The following DNAH14 variants were observed in gnomAD, a reference collection of about 807,000 sequenced individuals.
DNAH14 encodes the protein dynein axonemal heavy chain 14, also known as axonemal beta dynein heavy chain 14.
A neutral mutation model predicts 520.9 loss-of-function variants in DNAH14; 478 were observed. The observed-to-expected ratio is 0.92, with a 90% CI of 0.85 to 0.99. DNAH14 has a LOEUF of 0.99. Among genes scored for constraint, DNAH14 ranks in the 50% least tolerant of loss-of-function variants. The probability of loss-of-function intolerance (pLI) is 0.00; values close to 1 mark genes in which losing one functional copy is unlikely to be tolerated. For synonymous variants in DNAH14, 1,581 were observed against 1,757.2 expected, an observed-to-expected ratio of 0.90 and a Z score of 2.51; for missense variants, 4,831 against 5,234.5, an observed-to-expected ratio of 0.92 and a Z score of 2.38.
At chr1:224,958,752 T>C (rs2125543824) in intron 3 of DNAH14, among the ~76,000 whole-genome samples, 1 of 152,200 alleles carries the variant, frequency 6.6e-6, no homozygotes, top group East Asian at 1.9e-4. Flanking sequence ...AGCACAGCTT[T>C]AGACAGGGTC....
chr1:225,096,924 G>A (rs1326160593), intron 21 of DNAH14, among the ~76,000 whole-genome samples, 194 bp from the exon 22 acceptor site: 2 of 152,056 alleles, frequency 1.3e-5, no homozygotes, highest in African/African-American at 2.4e-5. Flanking sequence ...GACAGAAAAT[G>A]GATGAACAGG....
chr1:224,958,571 T>C (rs967792203), intron 3 of DNAH14, among the ~76,000 whole-genome samples: 1 of 152,144 alleles, frequency 6.6e-6, no homozygotes, highest in South Asian at 2.1e-4. Flanking sequence ...AAGAAAGGAA[T>C]GGGGCAATGG....
intron 28 of DNAH14, among the ~76,000 whole-genome samples, chr1:225,143,851 C>T (rs184735251): frequency 6.6e-6 from 1 of 152,248 alleles, no homozygotes; most frequent in Non-Finnish European, 1.5e-5. Context: ...ATTCATACCA[C>T]AAAGCTACAA....
At chr1:225,241,674 T>A (rs1391957953) in intron 43 of DNAH14, among the ~76,000 whole-genome samples, 1 of 152,238 alleles carries the variant, frequency 6.6e-6, no homozygotes, top group Non-Finnish European at 1.5e-5. Context: ...TACTGAATAC[T>A]GTAGGCAATT....
At chr1:225,229,581 T>C (rs1574150663) in intron 41 of DNAH14, among the ~76,000 whole-genome samples, 1 of 152,154 alleles carries the variant, frequency 6.6e-6, no homozygotes, top group African/African-American at 2.4e-5. Flanking sequence ...TGGAATACTA[T>C]GCAGCCATAA....
intron 37 of DNAH14, among the ~76,000 whole-genome samples, chr1:225,191,797 G>C (rs114480508): frequency 6.6e-6 from 1 of 151,574 alleles, no homozygotes; most frequent in African/African-American, 2.4e-5. Context: ...CTTCAGGTTT[G>C]CTCATTCTTT....
chr1:224,999,141 AT>A (rs56872995), intron 8 of DNAH14, among the ~76,000 whole-genome samples: 22,955 of 152,000 alleles, frequency 0.15, 3,200 homozygotes, highest in African/African-American at 0.36. Flanking sequence ...TGATATGCCT[AT>A]TATTTGAAGT....
At chr1:225,387,430 G>A (rs2095854849) in intron 81 of DNAH14, among the ~76,000 whole-genome samples, 2 of 151,920 alleles carry the variant, frequency 1.3e-5, no homozygotes, top group South Asian at 4.1e-4. Flanking sequence ...TGGGACAAGA[G>A]CACGGGCTGC....
rs745568851 is a variant in DNAH14 at position 225,277,496 on chromosome 1, G to C, written c.8265G>C (p.Met2755Ile). The C allele has an allele frequency of 4.2e-6, 2 of 470,966 alleles. No homozygotes were observed. Among genetic ancestry groups the C allele is most frequent in the South Asian group, 3.1e-5 (2 of 64,508 alleles). 29.2% of individuals were successfully genotyped at this position (470,966 alleles called of 1,614,324 possible). ...TRVLRQPGSH[M>I]LLIGIDGCGK... ...TTCTTCGACAACCAGGGAGTCACAT[G>C]TTACTGGTAGGAATTTAAATTTTTC... Residue 2755 changes from methionine (M) to isoleucine (I), a missense_variant, in exon 54 of 86, where the codon ATG (methionine) becomes ATC (isoleucine). By Grantham distance (10) the Met-to-Ile change is conservative (BLOSUM62 1). Transcript: ENST00000682510.
intron 11 of DNAH14, among the ~76,000 whole-genome samples, chr1:225,028,334 T>C (rs2066285617): frequency 6.6e-6 from 1 of 152,120 alleles, no homozygotes; most frequent in Admixed American, 6.6e-5. Context: ...AGATTTTCTA[T>C]TTATTCTTGA....
chr1:225,021,996 T>C (rs559476581), intron 10 of DNAH14, among the ~76,000 whole-genome samples: 83 of 151,906 alleles, frequency 5.5e-4, no homozygotes, highest in African/African-American at 1.9e-3. Flanking sequence ...ATGACAACAA[T>C]GGAGAAAGAA....
chr1:225,257,918 C>A, intron 44 of DNAH14, 42 bp from the exon 45 acceptor site: 3 of 1,383,534 alleles, frequency 2.2e-6, no homozygotes, highest in Non-Finnish European at 2.9e-6. Context: ...GTGAATAGTA[C>A]TTTCTAGGTC....
intron 11 of DNAH14, among the ~76,000 whole-genome samples, chr1:225,036,356 C>T (rs953010861): frequency 5.9e-5 from 9 of 152,034 alleles, no homozygotes; most frequent in East Asian, 1.9e-4. Flanking sequence ...AGACTGGTCT[C>T]GAACTCCTGA....
At chr1:225,250,742 A>T (rs765858215) in intron 43 of DNAH14, 1 of 505,638 alleles carries the variant, frequency 2.0e-6, no homozygotes, top group Admixed American at 3.8e-5. Flanking sequence ...GCAGGAAGGA[A>T]TGGGCAAAGC....
At chr1:225,183,684 CA>C (rs35980443) in intron 36 of DNAH14, among the ~76,000 whole-genome samples, 25,305 of 96,068 alleles carry the variant, frequency 0.26, 2,584 homozygotes, top group East Asian at 0.38. Context: ...GGTAGATTAA[CA>C]AAAAAAAAAA....
intron 41 of DNAH14, among the ~76,000 whole-genome samples, chr1:225,214,184 G>T (rs575816368): frequency 1.3e-4 from 20 of 152,074 alleles, no homozygotes; most frequent in Non-Finnish European, 2.6e-4. Context: ...TTTTGTCTTT[G>T]GTTCTGTTTA....
chr1:225,217,201 G>A (rs1257862674), intron 41 of DNAH14, among the ~76,000 whole-genome samples: 2 of 151,650 alleles, frequency 1.3e-5, no homozygotes, highest in East Asian at 1.9e-4. Context: ...TATCACCAGC[G>A]GAGGCTGCAG....
rs371943444 is a variant in DNAH14, at chr1:225,112,697, G to A, written c.3868-4987G>A. Among the ~76,000 whole-genome samples the A allele has an allele frequency of 7.9e-5, 12 of 151,626 alleles. No individual in the cohort carries two copies. The South Asian group carries it at 1.7e-3, about 21-fold the overall frequency. ...ATTCTTTTTTTCTGATGCCTCATCTGTATTTTCAAATAGCCTGTCTTCAAG... is the reference window on the plus strand; with the variant it reads ...ATTCTTTTTTTCTGATGCCTCATCTATATTTTCAAATAGCCTGTCTTCAAG... On this transcript the variant is annotated intron_variant, in intron 23 of 85. Transcript: ENST00000682510.
chr1:225,085,143 A>G (rs1048702118), intron 20 of DNAH14, among the ~76,000 whole-genome samples: 3 of 152,182 alleles, frequency 2.0e-5, no homozygotes, highest in Non-Finnish European at 4.4e-5. Flanking sequence ...ACATATAGGA[A>G]TGGTGGTAGA....
Sources: allele counts gnomAD v4.1 joint callset (sites outside exome capture counted in the v4.1 genomes callset), GRCh38; gene constraint gnomAD v4.1.1; transcripts MANE v1.5; gene names NCBI Gene and HGNC (gene_info 2026-07-23, HGNC 2026-07-21).